Variants in MTRF1 observed in about 807,000 individuals in gnomAD.
The protein encoded by MTRF1 is mitochondrial translation release factor 1, also known as peptide chain release factor 1, mitochondrial.
A neutral mutation model predicts 62.9 loss-of-function variants in MTRF1; 51 were observed. That is an observed-to-expected ratio of 0.81 (90% CI 0.65 to 1.02). The LOEUF is 1.02. MTRF1 is among the 50% of genes least tolerant of loss of function. The probability of loss-of-function intolerance (pLI) is 0.00; values close to 1 mark genes in which losing one functional copy is unlikely to be tolerated. For missense variants in MTRF1, 446 were observed against 530.0 expected, an observed-to-expected ratio of 0.84 and a Z score of 1.56; for synonymous variants, 158 against 181.9, an observed-to-expected ratio of 0.87 and a Z score of 1.06.
At chr13:41,311,324 C>T in the MTRF1 span, 2 of 569,938 alleles carry the variant, frequency 3.5e-6, no homozygotes, top group Non-Finnish European at 3.1e-6. Flanking sequence ...CCAGGGGAAG[C>T]GTGTCCTGCT....
upstream of MTRF1, among the ~76,000 whole-genome samples, chr13:41,265,534 C>G (rs752891622): frequency 2.0e-5 from 3 of 152,136 alleles, no homozygotes; most frequent in Non-Finnish European, 4.4e-5. Flanking sequence ...CCTAACCCCT[C>G]CAATACATGT....
At position 41,240,437 on chromosome 13, in the gene MTRF1, G is replaced by C; in HGVS notation, c.698-4C>G. The C allele has an allele frequency of 6.2e-7, 1 of 1,610,220 alleles. No individual in the cohort carries two copies. Among genetic ancestry groups the C allele is most frequent in the Non-Finnish European group, 8.5e-7 (1 of 1,178,236 alleles). On this transcript the variant is annotated splice_polypyrimidine_tract_variant and splice_region_variant and intron_variant, in intron 5 of 9. Transcript: ENST00000379480. ...GCGGCTGCATGATGTAGTCCACCTA[G>C]GGGAACAACAATCCAGAAATAGTAA... is the stretch of plus-strand genomic sequence containing the variant.
At chr13:41,300,084 T>G in the MTRF1 span, among the ~76,000 whole-genome samples, 1 of 152,174 alleles carries the variant, frequency 6.6e-6, no homozygotes, top group East Asian at 1.9e-4. Flanking sequence ...TAGTTGTCAG[T>G]GAAGTGACAG....
rs200670560 is a variant in MTRF1, at chr13:41,233,899, T to A, written c.979A>T (p.Ile327Phe). ...KTDSAVRLVH[I>F]PTGLVVECQQ... ...CAAGGGGCTTGCTTACCTGTGGGGA[T>A]GTGGACAAGTCTGACGGCACTATCA... The change falls in exon 7 of 10, where the codon ATC becomes TTC. Residue 327 changes from isoleucine (I) to phenylalanine (F), a missense_variant. By Grantham distance (21) the Ile-to-Phe change is conservative. Transcript: ENST00000379480. 1.9e-6 allele frequency: 3 copies of A among 1,612,234 alleles called. No individual in the cohort carries two copies. The East Asian group carries it at 6.7e-5, about 36-fold the overall frequency.
At chr13:41,300,526 C>T in the MTRF1 span, among the ~76,000 whole-genome samples, 1 of 149,954 alleles carries the variant, frequency 6.7e-6, no homozygotes, top group Non-Finnish European at 1.5e-5. Context: ...GCGGAGCTTG[C>T]AGTGAGCTGA....
At chr13:41,303,043 C>T in the MTRF1 span, among the ~76,000 whole-genome samples, 1 of 152,112 alleles carries the variant, frequency 6.6e-6, no homozygotes, top group Non-Finnish European at 1.5e-5. Context: ...GGCTGGAATA[C>T]ATACATTCCA....
intron 1 of MTRF1, chr13:41,263,204 C>A (rs1483443021): frequency 8.4e-7 from 1 of 1,189,742 alleles, no homozygotes; most frequent in Admixed American, 2.3e-5. Context: ...GCATAATTTT[C>A]AAGGTCATGA....
At chr13:41,253,262 G>T (rs2039308491) in intron 3 of MTRF1, among the ~76,000 whole-genome samples, 1 of 152,196 alleles carries the variant, frequency 6.6e-6, no homozygotes, top group Non-Finnish European at 1.5e-5. Context: ...ACTGTTATCA[G>T]ATTATCTTAA....
chr13:41,278,768 T>C, the MTRF1 span, among the ~76,000 whole-genome samples: 3 of 152,156 alleles, frequency 2.0e-5, no homozygotes, highest in Non-Finnish European at 4.4e-5. Flanking sequence ...ACAGGCAATA[T>C]AGCTACATTG....
chr13:41,224,295 T>C (rs1259347548), intron 8 of MTRF1, among the ~76,000 whole-genome samples: 1 of 152,210 alleles, frequency 6.6e-6, no homozygotes, highest in Non-Finnish European at 1.5e-5. Context: ...GTTTGTCTCA[T>C]GCTACAGTTA....
At chr13:41,253,079 T>C in intron 3 of MTRF1, 49 bp from the exon 4 acceptor site, 1 of 1,378,490 alleles carries the variant, frequency 7.3e-7, no homozygotes, top group Non-Finnish European at 1.0e-6. Context: ...GGTACACTAT[T>C]ACTGAATTAA....
the MTRF1 span, among the ~76,000 whole-genome samples, chr13:41,292,264 C>G: frequency 6.6e-6 from 1 of 152,046 alleles, no homozygotes; most frequent in Non-Finnish European, 1.5e-5. Flanking sequence ...TCAATTCAGC[C>G]AGTCCTAGCC....
intron 9 of MTRF1, among the ~76,000 whole-genome samples, chr13:41,218,757 T>G (rs1017534135): frequency 1.3e-5 from 2 of 152,204 alleles, no homozygotes; most frequent in African/African-American, 4.8e-5. Flanking sequence ...GATATAGTTA[T>G]GAACTAATCT....
chr13:41,308,567 TG>T, the MTRF1 span, among the ~76,000 whole-genome samples: 11 of 152,284 alleles, frequency 7.2e-5, 1 homozygote, highest in East Asian at 2.1e-3. Flanking sequence ...TCTGTGTGCT[TG>T]CTCAGTTCTC....
At chr13:41,233,205 AT>A (rs2035894569) in intron 7 of MTRF1, among the ~76,000 whole-genome samples, 1 of 152,116 alleles carries the variant, frequency 6.6e-6, no homozygotes. Flanking sequence ...AAAGAGGTTC[AT>A]TTGTTTGTTT....
chr13:41,242,178 A>T (rs1467322484), intron 5 of MTRF1, among the ~76,000 whole-genome samples: 1 of 152,140 alleles, frequency 6.6e-6, no homozygotes, highest in African/African-American at 2.4e-5. Context: ...TCTGAAGATG[A>T]CCAATTAAAA....
intron 5 of MTRF1, among the ~76,000 whole-genome samples, chr13:41,249,157 G>A (rs538812008): frequency 6.6e-6 from 1 of 152,060 alleles, no homozygotes; most frequent in South Asian, 2.1e-4. Context: ...GCACATATAT[G>A]TAATTTAACA....
chr13:41,303,976 G>C, the MTRF1 span, among the ~76,000 whole-genome samples: 1 of 152,050 alleles, frequency 6.6e-6, no homozygotes, highest in Non-Finnish European at 1.5e-5. Context: ...TTACTTTCAG[G>C]AACGCCCTAC....
Position 41,216,688 on chromosome 13 carries a change from A to G in MTRF1, c.*427T>C, listed in dbSNP as rs2031980879. ...ATAAGCATCCACTATAGGCCAAGGT[A>G]CTTTGTATTTAAATAAAAGGTTTAT... On this transcript the variant is annotated 3_prime_UTR_variant, in exon 10 of 10. Coordinates refer to ENST00000379480, the MANE Select transcript of MTRF1 (RefSeq NM_004294.4). 6.6e-6 allele frequency: 1 copy of G among 152,668 alleles called. No individual in the cohort carries two copies. 9.5% of individuals were successfully genotyped at this position (152,668 alleles called of 1,614,324 possible).
Sources: gnomAD v4.1 joint callset for allele counts (sites outside exome capture counted in the v4.1 genomes callset) on GRCh38, gnomAD v4.1.1 for gene constraint, MANE v1.5 for transcripts, NCBI Gene and HGNC (gene_info 2026-07-23, HGNC 2026-07-21) for gene names.